EXOC1: variants seen among roughly 807,000 people sequenced by gnomAD.
EXOC1 encodes the protein exocyst complex component 1.
EXOC1 carries 67 observed loss-of-function variants against 107.7 expected under a neutral mutation model. That is an observed-to-expected ratio of 0.62 (90% confidence interval 0.51 to 0.76). The LOEUF is 0.76. EXOC1 is among the 30% of genes least tolerant of loss of function. The probability of loss-of-function intolerance (pLI) is 0.00; values close to 1 mark genes in which losing one functional copy is unlikely to be tolerated. For missense variants in EXOC1, 833 were observed against 1,055.7 expected, an observed-to-expected ratio of 0.79 and a Z score of 2.92; for synonymous variants, 348 against 353.5, an observed-to-expected ratio of 0.98 and a Z score of 0.17.
chr4:55,892,543 A>C, intron 13 of EXOC1, 92 bp from the exon 14 acceptor site: 1 of 956,044 alleles, frequency 1.0e-6, no homozygotes, highest in Non-Finnish European at 1.7e-6. Context: ...ATTCTTTCCT[A>C]GGAATTTTAA....
At chr4:55,878,878 A>G (rs1329749511) in intron 9 of EXOC1, among the ~76,000 whole-genome samples, 1 of 152,210 alleles carries the variant, frequency 6.6e-6, no homozygotes, top group Non-Finnish European at 1.5e-5. Context: ...TTCCTCAAGC[A>G]TGGGAAAAGA....
intron 12 of EXOC1, 89 bp downstream of exon 12, chr4:55,890,475 G>A (rs1577752019): frequency 1.8e-6 from 2 of 1,126,726 alleles, no homozygotes; most frequent in Admixed American, 4.2e-5. Flanking sequence ...CAAAGATTTG[G>A]GTTCTTCTGG....
intron 8 of EXOC1, chr4:55,875,995 T>C: frequency 2.1e-6 from 2 of 969,568 alleles, no homozygotes; most frequent in Non-Finnish European, 2.5e-6. Flanking sequence ...ATCTAATACA[T>C]GTGATGCTGT....
In EXOC1 at chr4:55,871,844, G is replaced by A. The variant is rs765500173; in HGVS notation, c.965-5G>A. ...AACTGGTCACAAAATGTCGTTCTGT[G>A]TCAGGCCATGACTTGCTTCTGGCAG... On this transcript the variant is annotated splice_polypyrimidine_tract_variant and splice_region_variant and intron_variant, in intron 7 of 18. Transcript: ENST00000381295. 1 of 1,613,198 alleles carries A rather than the reference G, an allele frequency of 6.2e-7. No individual in the cohort carries two copies. Among genetic ancestry groups the A allele is most frequent in the Admixed American group, 1.7e-5 (1 of 59,900 alleles).
rs889876194 is a variant in EXOC1 at position 55,876,404 on chromosome 4, A to G, written c.1075-1513A>G. ...AAGCAATACAGTATATATACTGTAT[A>G]TTATATAATCACTCCAAGCACATGT... On this transcript the variant is annotated intron_variant, in intron 8 of 18. Transcript: ENST00000381295. The G allele has an allele frequency of 1.5e-5, 10 of 689,322 alleles. No homozygotes were observed. In the African/African-American group the frequency reaches 1.9e-4, roughly 13 times the overall value. 42.7% of individuals were successfully genotyped at this position (689,322 alleles called of 1,614,324 possible).
At chr4:55,876,005 T>C in intron 8 of EXOC1, 2 of 978,328 alleles carry the variant, frequency 2.0e-6, no homozygotes, top group Non-Finnish European at 2.4e-6. Context: ...TGTGATGCTG[T>C]AGAATCCTGA....
chr4:55,890,023 C>T (rs994011292), intron 11 of EXOC1, among the ~76,000 whole-genome samples, 200 bp from the exon 12 acceptor site: 4 of 151,872 alleles, frequency 2.6e-5, no homozygotes, highest in African/African-American at 9.7e-5. Context: ...CTTCTTTTTT[C>T]AATATGCTCA....
chr4:55,882,004 G>A (rs1187423529), intron 9 of EXOC1, among the ~76,000 whole-genome samples: 1 of 152,092 alleles, frequency 6.6e-6, no homozygotes, highest in Admixed American at 6.6e-5. Flanking sequence ...AAGCTGAGGT[G>A]AGTGGAAGGA....
chr4:55,896,536 AT>A (rs1271102367), intron 15 of EXOC1, among the ~76,000 whole-genome samples, 180 bp from the exon 16 acceptor site: 1 of 152,170 alleles, frequency 6.6e-6, no homozygotes, highest in Non-Finnish European at 1.5e-5. Flanking sequence ...TTTCTTAGTT[AT>A]CCTTGTTTTG....
chr4:55,871,171 T>C lies in EXOC1; in HGVS notation c.902T>C (p.Ile301Thr). ...GGAGATCTTGCTTCTTCCAGAGGCATTGAGGCCTGCACCAATGCTGCTGAT... is the reference window on the plus strand; with the variant it reads ...GGAGATCTTGCTTCTTCCAGAGGCACTGAGGCCTGCACCAATGCTGCTGAT... ...QEGDLASSRG[I>T]EACTNAADAL... The change falls in exon 7 of 19, where the codon ATT becomes ACT. Residue 301 changes from isoleucine to threonine, a missense_variant. Coordinates refer to ENST00000381295, the MANE Select transcript of EXOC1 (RefSeq NM_001024924.2). The C allele has an allele frequency of 9.9e-6, 16 of 1,613,918 alleles. No homozygotes were observed. Among genetic ancestry groups the C allele is most frequent in the African/African-American group, 1.3e-5 (1 of 75,026 alleles).
At chr4:55,893,500 ATTCACCTGAAGCTTG>A in intron 14 of EXOC1, 37 bp from the exon 15 acceptor site, 1 of 1,498,656 alleles carries the variant, frequency 6.7e-7, no homozygotes, top group Non-Finnish European at 9.1e-7. Flanking sequence ...TTAACGGTGA[ATTCACCTGAAGCTTG>A]TTATAACTTT....
intron 12 of EXOC1, 145 bp downstream of exon 12, chr4:55,890,531 G>GAAAAAAAAAAAAA (rs34003680): frequency 3.5e-6 from 1 of 289,288 alleles, no homozygotes. Flanking sequence ...TCGAATCTGG[G>GAAAAAAAAAAAAA]AAAAAAAAAA....
intron 9 of EXOC1, among the ~76,000 whole-genome samples, chr4:55,882,117 G>GTTGTTA (rs371745467): frequency 4.0e-5 from 6 of 151,596 alleles, no homozygotes; most frequent in Non-Finnish European, 8.8e-5. Context: ...TGTTGTTGTT[G>GTTGTTA]TATTGTGTTT....
chr4:55,864,880 AT>A (rs1468138540), intron 4 of EXOC1, among the ~76,000 whole-genome samples: 8 of 152,142 alleles, frequency 5.3e-5, no homozygotes, highest in African/African-American at 1.9e-4. Context: ...TTGTAGCAGT[AT>A]TTTTGTACAG....
chr4:55,877,593 AT>A (rs1723019973), intron 8 of EXOC1: 1 of 985,252 alleles, frequency 1.0e-6, no homozygotes, highest in African/African-American at 1.7e-5. Flanking sequence ...TGCTTGGTAA[AT>A]TGTGAAATAT....
At chr4:55,886,981 G>A (rs1050172115) in intron 10 of EXOC1, among the ~76,000 whole-genome samples, 1 of 152,120 alleles carries the variant, frequency 6.6e-6, no homozygotes, top group Non-Finnish European at 1.5e-5. Flanking sequence ...AGACCTTTGT[G>A]TAGGTTACTG....
intron 15 of EXOC1, among the ~76,000 whole-genome samples, chr4:55,894,024 G>C (rs1442058245): frequency 2.0e-5 from 3 of 152,022 alleles, no homozygotes; most frequent in Non-Finnish European, 4.4e-5. Flanking sequence ...GGCACCAGTT[G>C]CTTAAGAGAT....
At chr4:55,901,827 A>G (rs910482659) in intron 17 of EXOC1, among the ~76,000 whole-genome samples, 3 of 152,124 alleles carry the variant, frequency 2.0e-5, no homozygotes, top group African/African-American at 4.8e-5. Flanking sequence ...TCTTTCAAAT[A>G]CTTAAAGTTA....
chr4:55,859,533 G>C (rs1452818258), intron 2 of EXOC1, among the ~76,000 whole-genome samples: 1 of 151,988 alleles, frequency 6.6e-6, no homozygotes, highest in Non-Finnish European at 1.5e-5. Context: ...TAGACTTTTT[G>C]AAAGTAGTGA....
Sources: allele counts gnomAD v4.1 joint callset (sites outside exome capture counted in the v4.1 genomes callset), GRCh38; gene constraint gnomAD v4.1.1; transcripts MANE v1.5; gene names NCBI Gene and HGNC (gene_info 2026-07-23, HGNC 2026-07-21).